Variants in PCDH15 observed in about 807,000 individuals in gnomAD.
PCDH15 encodes protocadherin-15.
PCDH15 carries 129 observed loss-of-function variants against 178.5 expected under a neutral mutation model. The ratio of observed to expected loss-of-function variants is 0.72; its 90% CI spans 0.63 to 0.84. PCDH15 has a LOEUF of 0.84. Among genes scored for constraint, PCDH15 ranks in the 40% least tolerant of loss-of-function variants. The probability of loss-of-function intolerance (pLI) is 0.00; values close to 1 mark genes in which losing one functional copy is unlikely to be tolerated. For missense variants in PCDH15, 2,230 were observed against 2,099.9 expected, an observed-to-expected ratio of 1.06 and a Z score of -1.21; for synonymous variants, 800 against 732.0, an observed-to-expected ratio of 1.09 and a Z score of -1.50.
intron 3 of PCDH15, among the ~76,000 whole-genome samples, chr10:54,808,806 G>A (rs1952817799): frequency 1.3e-5 from 2 of 152,096 alleles, no homozygotes; most frequent in African/African-American, 4.8e-5. Context: ...GCTATGACAG[G>A]ATAATTCTGC....
At chr10:55,303,008 C>T (rs1204389958) in intron 1 of PCDH15, among the ~76,000 whole-genome samples, 2 of 151,794 alleles carry the variant, frequency 1.3e-5, no homozygotes, top group East Asian at 3.9e-4. Flanking sequence ...GTTAACATTA[C>T]TTAAATGCTA....
intron 15 of PCDH15, among the ~76,000 whole-genome samples, chr10:54,119,755 G>A (rs1387349468): frequency 2.0e-5 from 3 of 151,978 alleles, no homozygotes; most frequent in South Asian, 2.1e-4. Flanking sequence ...GCTCAAAATA[G>A]CGAATTTCAT....
chr10:54,805,335 C>G (rs189291898), upstream of PCDH15, among the ~76,000 whole-genome samples: 5 of 152,170 alleles, frequency 3.3e-5, no homozygotes, highest in Non-Finnish European at 4.4e-5. Context: ...TTGCTCATTA[C>G]AAGCAGTGTC....
rs148480364 is a variant in PCDH15 at position 54,232,082 on chromosome 10, T to C, written c.985+4741A>G. 4.6e-5 allele frequency among the ~76,000 whole-genome samples: 7 copies of C among 152,302 alleles called. No homozygotes were observed. The East Asian group carries it at 1.4e-3, about 29-fold the overall frequency. On this transcript the variant is annotated intron_variant, in intron 9 of 37. Coordinates refer to ENST00000644397, the MANE Select transcript of PCDH15 (RefSeq NM_001384140.1). ...CAGAGGAACCAGGGGTTTCATGATATGGTTTGGATTTGTTTCCCCACCCAA... is the reference window on the plus strand; with the variant it reads ...CAGAGGAACCAGGGGTTTCATGATACGGTTTGGATTTGTTTCCCCACCCAA...
intron 3 of PCDH15, among the ~76,000 whole-genome samples, chr10:54,424,942 GGC>G (rs1956075607): frequency 6.7e-6 from 1 of 149,778 alleles, no homozygotes; most frequent in Non-Finnish European, 1.5e-5. Context: ...ACACCAACAT[GGC>G]ACATGTATAT....
At chr10:54,295,686 G>C (rs955757404) in intron 8 of PCDH15, among the ~76,000 whole-genome samples, 2 of 152,160 alleles carry the variant, frequency 1.3e-5, no homozygotes, top group African/African-American at 4.8e-5. Flanking sequence ...CTTGAAGTCA[G>C]CAAGACCAAG....
chr10:55,624,044 T>C (rs908851530), intron 2 of PCDH15, among the ~76,000 whole-genome samples: 1 of 152,050 alleles, frequency 6.6e-6, no homozygotes, highest in Non-Finnish European at 1.5e-5. Flanking sequence ...AGAAATTGAT[T>C]GTGTTTGCCA....
intron 1 of PCDH15, among the ~76,000 whole-genome samples, chr10:55,295,515 C>G (rs1228706805): frequency 6.6e-6 from 1 of 152,148 alleles, no homozygotes; most frequent in African/African-American, 2.4e-5. Flanking sequence ...ACTTCCCGTG[C>G]TCTCGCCTTC....
chr10:54,442,148 G>A (rs2075826173), intron 3 of PCDH15, among the ~76,000 whole-genome samples: 1 of 151,204 alleles, frequency 6.6e-6, no homozygotes, highest in African/African-American at 2.4e-5. Flanking sequence ...GGTCATGTAT[G>A]TAGGTAAATT....
chr10:54,806,289 C>T (rs150732224), upstream of PCDH15, among the ~76,000 whole-genome samples: 5 of 152,032 alleles, frequency 3.3e-5, no homozygotes, highest in Non-Finnish European at 5.9e-5. Context: ...ACAAATTATC[C>T]CAATTTTAGT....
At position 53,806,551 on chromosome 10, in the gene PCDH15, TTAATTAAAA is replaced by T. The variant is rs1485045262; in HGVS notation, c.*19_*27del. 2 of 1,493,730 alleles carry T rather than the reference TTAATTAAAA, an allele frequency of 1.3e-6. No homozygotes were observed. The highest frequency in any genetic ancestry group is 2.8e-5 in the African/African-American group (2 of 70,428). The allele number at this position is 1,493,730 out of a possible 1,614,324, so 92.5% of individuals were successfully genotyped here. On this transcript the variant is annotated 3_prime_UTR_variant, in exon 38 of 38. Coordinates refer to ENST00000644397, the MANE Select transcript of PCDH15 (RefSeq NM_001384140.1). ...AGTTTATTAAAAATGTAAGTAAAAATTAATTAAAATATCTTTTAAAAAATTGGTCACAGT... is the reference window on the plus strand; with the variant it reads ...AGTTTATTAAAAATGTAAGTAAAAATTATCTTTTAAAAAATTGGTCACAGT...
chr10:53,822,071 G>GTGTC, intron 32 of PCDH15: 1 of 1,614,032 alleles, frequency 6.2e-7, no homozygotes, highest in African/African-American at 1.3e-5. Flanking sequence ...AGTTTTTAAC[G>GTGTC]TGTCTGAGGA....
At chr10:55,369,894 T>A (rs762406267) in intron 2 of PCDH15, among the ~76,000 whole-genome samples, 3 of 152,024 alleles carry the variant, frequency 2.0e-5, no homozygotes, top group Non-Finnish European at 4.4e-5. Flanking sequence ...AGACACATGC[T>A]TATTCCAATG....
At chr10:54,652,456 G>A (rs907930819) in intron 2 of PCDH15, among the ~76,000 whole-genome samples, 1 of 152,162 alleles carries the variant, frequency 6.6e-6, no homozygotes, top group African/African-American at 2.4e-5. Flanking sequence ...ACTAAGACTC[G>A]CAGGCATTCC....
At chr10:55,380,698 A>T (rs774782974) in intron 2 of PCDH15, among the ~76,000 whole-genome samples, 1 of 152,140 alleles carries the variant, frequency 6.6e-6, no homozygotes, top group Non-Finnish European at 1.5e-5. Flanking sequence ...TGGAGAAGGG[A>T]CAAGGGGCCA....
At chr10:55,459,180 A>T (rs1435672241) in intron 2 of PCDH15, among the ~76,000 whole-genome samples, 1 of 151,280 alleles carries the variant, frequency 6.6e-6, no homozygotes, top group African/African-American at 2.4e-5. Context: ...CTTAAGTCTG[A>T]AGGACCCTAA....
chr10:54,318,385 A>G (rs11004228), intron 7 of PCDH15, among the ~76,000 whole-genome samples: 7,198 of 152,194 alleles, frequency 0.047, 527 homozygotes, highest in African/African-American at 0.16. Context: ...CATTTTTTCT[A>G]TTAGAGATCA....
intron 2 of PCDH15, among the ~76,000 whole-genome samples, chr10:54,583,439 C>T (rs1045719117): frequency 2.6e-5 from 4 of 151,854 alleles, no homozygotes; most frequent in African/African-American, 9.7e-5. Flanking sequence ...TTAAAGGTAT[C>T]TCAAGGCAAG....
In PCDH15 at chr10:54,152,170, G is replaced by T. The variant is rs147540607; in HGVS notation, c.1784+930C>A. Among the ~76,000 whole-genome samples, 536 of 152,130 alleles carry T rather than the reference G, an allele frequency of 3.5e-3. 4 individuals carry two copies. Among genetic ancestry groups the T allele is most frequent in the African/African-American group, 0.012 (497 of 41,536 alleles). ...TAAGATACATCTCAAATACAATAAAGATTTAAATATACAATATGAATCCAC... is the reference window on the plus strand; with the variant it reads ...TAAGATACATCTCAAATACAATAAATATTTAAATATACAATATGAATCCAC... On this transcript the variant is annotated intron_variant, in intron 14 of 37. Coordinates refer to ENST00000644397, the MANE Select transcript of PCDH15 (RefSeq NM_001384140.1).
Sources: allele counts gnomAD v4.1 joint callset (sites outside exome capture counted in the v4.1 genomes callset), GRCh38; gene constraint gnomAD v4.1.1; transcripts MANE v1.5; gene names NCBI Gene and HGNC (gene_info 2026-07-23, HGNC 2026-07-21).